Variants in ZNF438 observed in about 807,000 individuals in gnomAD.
ZNF438 encodes zinc finger protein 438.
A neutral mutation model predicts 38.0 loss-of-function variants in ZNF438; 25 were observed. That is an observed-to-expected ratio of 0.66 (90% CI 0.48 to 0.92). The LOEUF (loss-of-function observed/expected upper bound fraction) is 0.92. Ranked by LOEUF, ZNF438 falls within the 40% of genes least tolerant of loss-of-function variation. ZNF438 has a pLI of 0.00. For missense variants in ZNF438, 1,007 were observed against 999.6 expected, an observed-to-expected ratio of 1.01 and a Z score of -0.10; for synonymous variants, 372 against 364.1, an observed-to-expected ratio of 1.02 and a Z score of -0.25.
At chr10:30,885,025 G>A (rs887025489) in intron 3 of ZNF438, among the ~76,000 whole-genome samples, 23 of 152,264 alleles carry the variant, frequency 1.5e-4, no homozygotes, top group African/African-American at 4.6e-4. Flanking sequence ...ACAGAGTTGC[G>A]ATGTAGATGT....
intron 1 of ZNF438, among the ~76,000 whole-genome samples, chr10:30,981,245 G>C (rs1244788676): frequency 6.6e-6 from 1 of 152,198 alleles, no homozygotes; most frequent in African/African-American, 2.4e-5. Flanking sequence ...AGTAAAGCTA[G>C]ACAAGAAACA....
chr10:30,999,947 T>C (rs1165595006), intron 1 of ZNF438, among the ~76,000 whole-genome samples: 1 of 152,218 alleles, frequency 6.6e-6, no homozygotes, highest in Admixed American at 6.5e-5. Context: ...ATATTTTCTT[T>C]ATTTGTCTTT....
intron 4 of ZNF438, among the ~76,000 whole-genome samples, chr10:30,872,566 TG>T (rs1282377440): frequency 6.8e-6 from 1 of 146,546 alleles, no homozygotes. Context: ...CTGGCTAACA[TG>T]GTGAAACCCC....
chr10:30,909,917 G>T (rs2042915799), intron 2 of ZNF438, among the ~76,000 whole-genome samples: 2 of 152,184 alleles, frequency 1.3e-5, no homozygotes, highest in Admixed American at 6.5e-5. Flanking sequence ...AGGGTACATA[G>T]AGTGATGCAA....
chr10:30,961,334 G>T (rs2049465550), intron 1 of ZNF438, among the ~76,000 whole-genome samples: 1 of 145,000 alleles, frequency 6.9e-6, no homozygotes, highest in African/African-American at 2.5e-5. Context: ...GCCCAGGCTG[G>T]AGAACAGCGG....
chr10:30,961,439 G>A (rs1174676243), intron 1 of ZNF438, among the ~76,000 whole-genome samples: 1 of 146,122 alleles, frequency 6.8e-6, no homozygotes, highest in Admixed American at 6.9e-5. Flanking sequence ...GGGACTACAG[G>A]TGTGCACAAC....
chr10:30,950,346 A>C (rs1174604514), intron 1 of ZNF438, among the ~76,000 whole-genome samples: 2 of 150,380 alleles, frequency 1.3e-5, no homozygotes, highest in African/African-American at 2.4e-5. Flanking sequence ...GAACTAGAAA[A>C]GCAAGAGCAA....
intron 1 of ZNF438, among the ~76,000 whole-genome samples, chr10:30,993,341 G>A (rs937550169): frequency 7.2e-5 from 11 of 152,162 alleles, no homozygotes; most frequent in South Asian, 6.2e-4. Flanking sequence ...TGCACAGCCC[G>A]CTGTCCAGGA....
chr10:30,957,341 A>AT (rs1167397808), intron 1 of ZNF438, among the ~76,000 whole-genome samples: 11 of 152,174 alleles, frequency 7.2e-5, no homozygotes, highest in African/African-American at 2.4e-4. Flanking sequence ...CATTCTACAG[A>AT]TTGTCTCTTC....
intron 2 of ZNF438, among the ~76,000 whole-genome samples, chr10:30,936,667 C>T (rs949096888): frequency 6.8e-6 from 1 of 147,606 alleles, no homozygotes; most frequent in South Asian, 2.1e-4. Flanking sequence ...AGCAAGACAT[C>T]GTCTCAAAAA....
chr10:31,030,617 A>T (rs1936232927), intron 1 of ZNF438, among the ~76,000 whole-genome samples: 1 of 152,376 alleles, frequency 6.6e-6, no homozygotes, highest in Admixed American at 6.5e-5. Flanking sequence ...CGAATAGAAC[A>T]AAAATTAGAA....
At chr10:31,004,992 C>A (rs2054988741) in intron 1 of ZNF438, among the ~76,000 whole-genome samples, 2 of 152,090 alleles carry the variant, frequency 1.3e-5, no homozygotes, top group African/African-American at 4.8e-5. Flanking sequence ...AAAAGAGAAA[C>A]CTCATACACT....
chr10:30,869,975 G>T (rs1402315675), intron 4 of ZNF438, among the ~76,000 whole-genome samples: 2 of 152,172 alleles, frequency 1.3e-5, no homozygotes, highest in Non-Finnish European at 2.9e-5. Flanking sequence ...CACAGATCTT[G>T]CAATAGTAGT....
At chr10:30,880,134 A>C (rs532533461) in intron 3 of ZNF438, among the ~76,000 whole-genome samples, 1 of 152,278 alleles carries the variant, frequency 6.6e-6, no homozygotes, top group East Asian at 1.9e-4. Context: ...ACTATTAATA[A>C]AATGATGCAA....
At position 30,993,628 on chromosome 10, in the gene ZNF438, G is replaced by A. The variant is rs139619161; in HGVS notation, c.-192+38205C>T. Among the ~76,000 whole-genome samples, 380 of 152,338 alleles carry A rather than the reference G, an allele frequency of 2.5e-3. 1 individual carries two copies. The highest frequency in any genetic ancestry group is 8.5e-3 in the African/African-American group (354 of 41,590). The stretch of plus-strand genomic sequence containing the variant: ...GTAGACTCATTGCTGAGAGCCCCTC[G>A]TAGGGCAATGCCTAGTGCAGCCAGA... On this transcript the variant is annotated intron_variant, in intron 1 of 5. Coordinates refer to ENST00000413025, the Ensembl canonical transcript of ZNF438.
chr10:30,978,762 A>G (rs1325333762), intron 1 of ZNF438, among the ~76,000 whole-genome samples: 1 of 152,198 alleles, frequency 6.6e-6, no homozygotes, highest in Non-Finnish European at 1.5e-5. Flanking sequence ...TATTTTACTC[A>G]GTATAATGTT....
At position 30,994,970 on chromosome 10, in the gene ZNF438, G is replaced by A. The variant is rs140253224; in HGVS notation, c.-192+36863C>T. On this transcript the variant is annotated intron_variant, in intron 1 of 5. Coordinates refer to ENST00000413025, the Ensembl canonical transcript of ZNF438. Reference sequence around the variant, plus strand: ...CTGCTTAAGCCTGCAGTGAGGTAGAGCCTGCAGTGAGCTGAGATCATGCCA... The same window carrying A: ...CTGCTTAAGCCTGCAGTGAGGTAGAACCTGCAGTGAGCTGAGATCATGCCA... Among the ~76,000 whole-genome samples the A allele has an allele frequency of 3.9e-4, 60 of 151,936 alleles. 1 individual carries two copies. In the East Asian group the frequency reaches 9.3e-3, roughly 23 times the overall value.
intron 4 of ZNF438, among the ~76,000 whole-genome samples, chr10:30,865,012 C>A (rs2036193117): frequency 1.3e-5 from 2 of 152,166 alleles, no homozygotes; most frequent in South Asian, 4.1e-4. Context: ...GATTTTAACC[C>A]AGGACTGTCT....
intron 1 of ZNF438, among the ~76,000 whole-genome samples, chr10:30,965,966 C>A (rs1222794047): frequency 6.6e-6 from 1 of 152,022 alleles, no homozygotes; most frequent in Non-Finnish European, 1.5e-5. Flanking sequence ...GTACTAAATG[C>A]ATCACTCTTT....
Sources: allele counts gnomAD v4.1 joint callset (sites outside exome capture counted in the v4.1 genomes callset), GRCh38; gene constraint gnomAD v4.1.1; transcripts MANE v1.5; gene names NCBI Gene and HGNC (gene_info 2026-07-23, HGNC 2026-07-21).